ALG6: variants seen among roughly 807,000 people sequenced by gnomAD.
The protein encoded by ALG6 is ALG6 alpha-1,3-glucosyltransferase.
A neutral mutation model predicts 66.6 loss-of-function variants in ALG6; 46 were observed. The ratio of observed to expected loss-of-function variants is 0.69; its 90% CI spans 0.55 to 0.88. The LOEUF (loss-of-function observed/expected upper bound fraction) is 0.88. Ranked by LOEUF, ALG6 falls within the 40% of genes least tolerant of loss-of-function variation. The pLI, the probability that ALG6 is intolerant of heterozygous loss-of-function variation, is 0.00. For missense variants in ALG6, 505 were observed against 586.8 expected (o/e 0.86, Z 1.44); for synonymous variants, 185 against 203.7 (o/e 0.91, Z 0.78).
Position 63,406,327 on chromosome 1 carries a change from T to G in ALG6, c.357T>G (p.Ala119=), listed in dbSNP as rs776226631. 9.9e-6 allele frequency: 16 copies of G among 1,613,118 alleles called. No homozygotes were observed. In the Admixed American group the frequency reaches 1.0e-4, roughly 10 times the overall value. ...TACTTGTGTTTTCAGTTTTAATTGC[T>G]GATCTGCTGATTTACATACCTGCAG... is the stretch of plus-strand genomic sequence containing the variant. ...KLFMRTTVLI[A]DLLIYIPAVV... The change falls in exon 6 of 15, where the codon GCT becomes GCG. Residue 119 remains alanine, a synonymous_variant. Transcript: ENST00000263440.
At position 63,433,008 on chromosome 1, in the gene ALG6, A is replaced by C. The variant is rs1393551788; in HGVS notation, c.1327-3815A>C. 6.6e-6 allele frequency among the ~76,000 whole-genome samples: 1 copy of C among 152,018 alleles called. No individual in the cohort carries two copies. Among genetic ancestry groups the C allele is most frequent in the Non-Finnish European group, 1.5e-5 (1 of 67,996 alleles). ...CCCAGGCTGGAGTGCAATGGCACGA[A>C]CTTGGCTCACTGCAACCTCAACCTC... On this transcript the variant is annotated intron_variant, in intron 14 of 14. Coordinates refer to ENST00000263440, the MANE Select transcript of ALG6 (RefSeq NM_013339.4). This position sits in a 1 kb window ranked among gnomAD's most constrained non-coding sequence, Gnocchi z 4.2.
chr1:63,429,776 A>C (rs551670219), intron 14 of ALG6: 1 of 152,302 alleles, frequency 6.6e-6, no homozygotes, highest in Admixed American at 6.5e-5. Context: ...TTAGGGCTTC[A>C]ACATATGAAT....
chr1:63,399,583 G>C (rs1321369705), intron 3 of ALG6, among the ~76,000 whole-genome samples: 1 of 152,114 alleles, frequency 6.6e-6, no homozygotes, highest in African/African-American at 2.4e-5. Context: ...ATTGGTGTCT[G>C]TTGTCTTATA....
intron 2 of ALG6, among the ~76,000 whole-genome samples, chr1:63,374,895 T>G (rs1648065847): frequency 6.6e-6 from 1 of 152,090 alleles, no homozygotes; most frequent in South Asian, 2.1e-4. Flanking sequence ...GTGGATAAGG[T>G]GGACATGTAA....
At chr1:63,407,306 T>C (rs1431900763) in intron 7 of ALG6, among the ~76,000 whole-genome samples, 180 bp downstream of exon 7, 1 of 152,134 alleles carries the variant, frequency 6.6e-6, no homozygotes, top group African/African-American at 2.4e-5. Context: ...AAGTACAGAT[T>C]TATTAAAAGT....
chr1:63,423,058 C>T (rs1309321958), intron 12 of ALG6, among the ~76,000 whole-genome samples: 9 of 147,194 alleles, frequency 6.1e-5, no homozygotes, highest in African/African-American at 2.3e-4. Context: ...GGGTCTTACT[C>T]TGTCACCCAT....
Position 63,437,820 on chromosome 1 carries a change from A to G in ALG6, c.*800A>G, listed in dbSNP as rs1013941398. 1 of 151,470 alleles carries G rather than the reference A, an allele frequency of 6.6e-6. No homozygotes were observed. The highest frequency in any genetic ancestry group is 1.5e-5 in the Non-Finnish European group (1 of 67,892). 9.4% of individuals were successfully genotyped at this position (151,470 alleles called of 1,614,324 possible). A position where few individuals can be genotyped will look rare whatever the true frequency, so the allele number is the denominator to read the frequency against. On this transcript the variant is annotated 3_prime_UTR_variant, in exon 15 of 15. Transcript: ENST00000263440. ...TGTTTAATTAAACATTATATTATAT[A>G]TATATTATTATTGACATGGTTCAGG...
intron 2 of ALG6, among the ~76,000 whole-genome samples, chr1:63,374,241 A>G (rs1037636710): frequency 1.3e-5 from 2 of 152,186 alleles, no homozygotes; most frequent in Non-Finnish European, 2.9e-5. Flanking sequence ...TTGGGCTCAA[A>G]TCTTAGCTCT....
chr1:63,372,017 G>T (rs1245655128), intron 2 of ALG6, among the ~76,000 whole-genome samples: 5 of 152,206 alleles, frequency 3.3e-5, no homozygotes, highest in Admixed American at 3.3e-4. Flanking sequence ...ATGCATTAGA[G>T]AAAACTTCAG....
At chr1:63,416,891 A>C (rs1452413468) in intron 11 of ALG6, among the ~76,000 whole-genome samples, 1 of 152,208 alleles carries the variant, frequency 6.6e-6, no homozygotes, top group Non-Finnish European at 1.5e-5. Flanking sequence ...AGTAAGTCCT[A>C]CTGGACTTAT....
intron 12 of ALG6, among the ~76,000 whole-genome samples, chr1:63,424,519 G>C (rs1340042185): frequency 6.6e-6 from 1 of 151,948 alleles, no homozygotes; most frequent in East Asian, 1.9e-4. Flanking sequence ...GCCTTTATCA[G>C]ATATATGATT....
intron 12 of ALG6, among the ~76,000 whole-genome samples, chr1:63,420,920 A>T: frequency 6.6e-6 from 1 of 152,024 alleles, no homozygotes; most frequent in Admixed American, 6.6e-5. Flanking sequence ...TAATCATATC[A>T]TTAAACAAAT....
chr1:63,437,273 G>A lies in ALG6; in HGVS notation c.*253G>A. On this transcript the variant is annotated 3_prime_UTR_variant, in exon 15 of 15. Transcript: ENST00000263440. ...TTTATTATTCACAGCTATTCAAGTG[G>A]GGAAAAAAGAGAAACATGTCCTTAA... The A allele has an allele frequency of 2.5e-6, 1 of 402,582 alleles. No individual in the cohort carries two copies. Among genetic ancestry groups the A allele is most frequent in the Non-Finnish European group, 4.6e-6 (1 of 217,312 alleles). The allele number at this position is 402,582 out of a possible 1,614,324, so 24.9% of individuals were successfully genotyped here. A position where few individuals can be genotyped will look rare whatever the true frequency, so the allele number is the denominator to read the frequency against.
rs1644631500 is a variant in ALG6 at position 63,428,995 on chromosome 1, A to G, written c.1195A>G (p.Ile399Val). 1.9e-6 allele frequency: 3 copies of G among 1,612,698 alleles called. No homozygotes were observed. The highest frequency in any genetic ancestry group is 1.7e-5 in the Admixed American group (1 of 59,886). The change falls in exon 14 of 15, where the codon ATA becomes GTA. Residue 399 changes from isoleucine (I) to valine (V), a missense_variant. Coordinates refer to ENST00000263440, the MANE Select transcript of ALG6 (RefSeq NM_013339.4). ...PSVVTTMAFF[I>V]ACVTSFSIFE... is the part of the protein sequence containing the mutation. ...TGTTGTGACAACAATGGCATTTTTTATAGCTTGTGTAACTTCCTTTTCAAT... is the reference window on the plus strand; with the variant it reads ...TGTTGTGACAACAATGGCATTTTTTGTAGCTTGTGTAACTTCCTTTTCAAT...
At chr1:63,388,524 A>G (rs1474485615) in intron 2 of ALG6, among the ~76,000 whole-genome samples, 1 of 152,202 alleles carries the variant, frequency 6.6e-6, no homozygotes, top group Non-Finnish European at 1.5e-5. Context: ...GTTTCTATTT[A>G]TATTTTATTC....
chr1:63,430,337 GA>G (rs1180155835), intron 14 of ALG6, among the ~76,000 whole-genome samples: 12 of 152,228 alleles, frequency 7.9e-5, no homozygotes, highest in African/African-American at 2.6e-4. Context: ...TTAGTGTTAT[GA>G]ATATAATAAT....
At chr1:63,379,781 CAT>C (rs996032666) in intron 2 of ALG6, among the ~76,000 whole-genome samples, 7 of 148,966 alleles carry the variant, frequency 4.7e-5, no homozygotes, top group Admixed American at 2.7e-4. Flanking sequence ...ATATATAAAA[CAT>C]ATATAAAACA....
intron 12 of ALG6, among the ~76,000 whole-genome samples, chr1:63,419,970 G>A (rs1463213884): frequency 6.6e-6 from 1 of 152,134 alleles, no homozygotes; most frequent in Non-Finnish European, 1.5e-5. Flanking sequence ...CTGGGAGTAT[G>A]ATATCCTAAT....
At chr1:63,382,919 G>A (rs1171701839) in intron 2 of ALG6, among the ~76,000 whole-genome samples, 6 of 151,974 alleles carry the variant, frequency 3.9e-5, no homozygotes, top group Middle Eastern at 3.4e-3. Flanking sequence ...CTCATGATCC[G>A]CCCGTCTCGG....
Sources: allele counts gnomAD v4.1 joint callset (sites outside exome capture counted in the v4.1 genomes callset), GRCh38; gene constraint gnomAD v4.1.1; non-coding constraint Gnocchi (gnomAD v3.1); transcripts MANE v1.5; gene names NCBI Gene and HGNC (gene_info 2026-07-23, HGNC 2026-07-21).